Variants in TBC1D32 observed in about 807,000 individuals in gnomAD.
The protein encoded by TBC1D32 is protein broad-minded.
Under a neutral mutation model 170.3 loss-of-function variants are expected in TBC1D32, and 151 were observed. That is an observed-to-expected ratio of 0.89 (90% CI 0.78 to 1.01). The LOEUF is 1.01. Among genes scored for constraint, TBC1D32 ranks in the 50% least tolerant of loss-of-function variants. The pLI, the probability that TBC1D32 is intolerant of heterozygous loss-of-function variation, is 0.00. For synonymous variants in TBC1D32, 498 were observed against 488.0 expected, an observed-to-expected ratio of 1.02 and a Z score of -0.27; for missense variants, 1,464 against 1,457.1, an observed-to-expected ratio of 1.00 and a Z score of -0.08.
intron 22 of TBC1D32, among the ~76,000 whole-genome samples, chr6:121,190,181 C>T (rs555732993): frequency 6.6e-6 from 1 of 150,432 alleles, no homozygotes; most frequent in Non-Finnish European, 1.5e-5. Flanking sequence ...CCCAACTTCC[C>T]GGCAAGCCTC....
chr6:121,193,933 C>T (rs889896309), intron 22 of TBC1D32, among the ~76,000 whole-genome samples: 2 of 152,172 alleles, frequency 1.3e-5, no homozygotes, highest in Non-Finnish European at 2.9e-5. Context: ...TCAGTACCAA[C>T]AATCTAGGCT....
intron 22 of TBC1D32, among the ~76,000 whole-genome samples, chr6:121,186,137 C>T (rs1789178927): frequency 1.3e-5 from 2 of 152,088 alleles, no homozygotes; most frequent in Non-Finnish European, 2.9e-5. Flanking sequence ...AGTACTTCTA[C>T]TAGAACTGAA....
chr6:121,140,465 A>G (rs2128225062), intron 24 of TBC1D32, among the ~76,000 whole-genome samples: 1 of 152,112 alleles, frequency 6.6e-6, no homozygotes, highest in South Asian at 2.1e-4. Context: ...ATCTGACTGT[A>G]AAGATTTTAA....
At chr6:121,304,138 T>C (rs1806954722) in intron 8 of TBC1D32, among the ~76,000 whole-genome samples, 1 of 151,508 alleles carries the variant, frequency 6.6e-6, no homozygotes, top group Non-Finnish European at 1.5e-5. Context: ...TAATGCTACA[T>C]TTTTTTTACC....
At chr6:121,127,019 C>A (rs558118814) in intron 25 of TBC1D32, among the ~76,000 whole-genome samples, 4 of 152,068 alleles carry the variant, frequency 2.6e-5, no homozygotes, top group Non-Finnish European at 5.9e-5. Context: ...GCATCTAATA[C>A]CCCTGAAATG....
At chr6:121,237,248 T>C (rs77594889) in intron 20 of TBC1D32, among the ~76,000 whole-genome samples, 3,669 of 152,132 alleles carry the variant, frequency 0.024, 165 homozygotes, top group East Asian at 0.12. Flanking sequence ...TAATGAGATA[T>C]GAAAAATTTT....
chr6:121,206,770 A>G (rs1792330843), intron 21 of TBC1D32, among the ~76,000 whole-genome samples: 1 of 152,226 alleles, frequency 6.6e-6, no homozygotes, highest in Non-Finnish European at 1.5e-5. Context: ...ATTATTTTTA[A>G]ATGAATTGTT....
intron 31 of TBC1D32, among the ~76,000 whole-genome samples, chr6:121,085,787 A>G (rs1249129116): frequency 6.6e-6 from 1 of 152,070 alleles, no homozygotes; most frequent in East Asian, 1.9e-4. Flanking sequence ...TTCAGGACAT[A>G]GTATGTGGTT....
At chr6:121,115,077 AT>A (rs1267753814) in intron 27 of TBC1D32, 94 bp downstream of exon 27, 2 of 895,034 alleles carry the variant, frequency 2.2e-6, no homozygotes, top group Non-Finnish European at 3.2e-6. Flanking sequence ...AGTATACAAA[AT>A]AGTTGGTTGT....
chr6:121,172,292 C>T (rs1261474638), intron 22 of TBC1D32, among the ~76,000 whole-genome samples: 2 of 152,094 alleles, frequency 1.3e-5, no homozygotes, highest in African/African-American at 2.4e-5. Flanking sequence ...TTGGGCTCCT[C>T]CTACCTTTAA....
Position 121,160,908 on chromosome 6 carries a change from T to C in TBC1D32, c.2679+40A>G, listed in dbSNP as rs781254052. The stretch of plus-strand genomic sequence containing the variant: ...GTTGGCTATCTTGCTTCAAAATATG[T>C]CAGAAAAACACATCCCACTTCTCTT... On this transcript the variant is annotated intron_variant, in intron 23 of 31. Coordinates refer to ENST00000398212, the MANE Select transcript of TBC1D32 (RefSeq NM_152730.6). 15 of 1,528,614 alleles carry C rather than the reference T, an allele frequency of 9.8e-6. No homozygotes were observed. The East Asian group carries it at 2.5e-4, about 25-fold the overall frequency. 94.7% of individuals were successfully genotyped at this position (1,528,614 alleles called of 1,614,324 possible). A position where few individuals can be genotyped will look rare whatever the true frequency, so the allele number is the denominator to read the frequency against.
chr6:121,133,956 C>T, intron 24 of TBC1D32, among the ~76,000 whole-genome samples: 1 of 146,580 alleles, frequency 6.8e-6, no homozygotes, highest in Non-Finnish European at 1.5e-5. Context: ...AATTTCAACA[C>T]AGCTAATAAT....
chr6:121,273,142 G>A (rs1801712754), intron 15 of TBC1D32, among the ~76,000 whole-genome samples: 1 of 151,422 alleles, frequency 6.6e-6, no homozygotes, highest in Admixed American at 6.6e-5. Flanking sequence ...ATAGTTTTAG[G>A]AGATATACCT....
At chr6:121,250,908 C>G (rs560261201) in intron 17 of TBC1D32, among the ~76,000 whole-genome samples, 10 of 152,212 alleles carry the variant, frequency 6.6e-5, no homozygotes, top group Admixed American at 5.2e-4. Flanking sequence ...AATCAACGTG[C>G]AAAAATCACA....
chr6:121,201,183 C>T (rs1188547766), intron 22 of TBC1D32, among the ~76,000 whole-genome samples: 2 of 151,406 alleles, frequency 1.3e-5, no homozygotes, highest in Non-Finnish European at 2.9e-5. Context: ...GTCTGTAGCT[C>T]AGAATACGTA....
intron 27 of TBC1D32, 34 bp downstream of exon 27, chr6:121,115,138 A>G: frequency 6.5e-7 from 1 of 1,535,626 alleles, no homozygotes; most frequent in Non-Finnish European, 8.8e-7. Flanking sequence ...CAAATTCTAG[A>G]AATGCACAAG....
intron 24 of TBC1D32, chr6:121,139,922 T>G (rs1782582395): frequency 6.6e-6 from 1 of 152,116 alleles, no homozygotes; most frequent in Non-Finnish European, 1.5e-5. Flanking sequence ...TAAACAGTAC[T>G]TTGCAACTAT....
chr6:121,254,348 C>T (rs1798691300), intron 17 of TBC1D32, among the ~76,000 whole-genome samples: 2 of 151,858 alleles, frequency 1.3e-5, no homozygotes. Flanking sequence ...AAGAATGCAT[C>T]CATGTAACCA....
chr6:121,158,251 T>C, intron 24 of TBC1D32, among the ~76,000 whole-genome samples: 1 of 152,312 alleles, frequency 6.6e-6, no homozygotes, highest in East Asian at 1.9e-4. Context: ...CTTCAAGCTT[T>C]GAGATTCTTT....
Sources: gnomAD v4.1 joint callset for allele counts (sites outside exome capture counted in the v4.1 genomes callset) on GRCh38, gnomAD v4.1.1 for gene constraint, MANE v1.5 for transcripts, NCBI Gene and HGNC (gene_info 2026-07-23, HGNC 2026-07-21) for gene names.